Variants in ATG4D observed in about 807,000 individuals in gnomAD.
ATG4D encodes the protein autophagy related 4D cysteine peptidase.
In ATG4D, 51 loss-of-function variants were observed where a neutral mutation model predicts 55.2. The observed-to-expected ratio is 0.92, with a 90% CI of 0.74 to 1.17. The LOEUF (loss-of-function observed/expected upper bound fraction) is 1.17, where lower values mean the gene tolerates loss of function less well. Among genes scored for constraint, ATG4D ranks in the 50% most tolerant of loss-of-function variants. The pLI, the probability that ATG4D is intolerant of heterozygous loss-of-function variation, is 0.00. For missense variants in ATG4D, 635 were observed against 649.6 expected (o/e 0.98, Z 0.25); for synonymous variants, 268 against 266.2 (o/e 1.01, Z -0.07).
In ATG4D at chr19:10,544,655, G is replaced by T. The variant is rs555783063; in HGVS notation, c.236-128G>T. On this transcript the variant is annotated intron_variant, in intron 1 of 9. Coordinates refer to ENST00000309469, the MANE Select transcript of ATG4D (RefSeq NM_032885.6). ...TGTCACTGGGGGCCCCACCTCCGAC[G>T]GAATCCCCGGAGCCACCCCGGAGAT... 2.7e-6 allele frequency: 4 copies of T among 1,495,730 alleles called. No individual in the cohort carries two copies. In the East Asian group the frequency reaches 9.4e-5, roughly 35 times the overall value. The allele number at this position is 1,495,730 out of a possible 1,614,324, so 92.7% of individuals were successfully genotyped here.
intron 3 of ATG4D, 143 bp downstream of exon 3, chr19:10,545,273 A>G: frequency 1.7e-6 from 2 of 1,184,174 alleles, no homozygotes; most frequent in Non-Finnish European, 2.3e-6. Flanking sequence ...AGAGTTGTTT[A>G]TAAGAGTTTC....
In ATG4D at chr19:10,546,857, G is replaced by A. The variant is rs746348145; in HGVS notation, c.512G>A (p.Gly171Asp). Reference sequence around the variant, plus strand: ...CCACCAGACTGGACATGGGCCGAGGGCATGGGCCTGGGCCCCCCTGAGCTG... The same window carrying A: ...CCACCAGACTGGACATGGGCCGAGGACATGGGCCTGGGCCCCCCTGAGCTG... ...FLPRDWTWAE[G>D]MGLGPPELSG... The change falls in exon 4 of 10, where the codon GGC (glycine) becomes GAC (aspartate). Residue 171 changes from glycine (G) to aspartate (D), a missense_variant. Transcript: ENST00000309469. 1.9e-6 allele frequency: 3 copies of A among 1,595,996 alleles called. No individual in the cohort carries two copies. In the South Asian group the frequency reaches 3.3e-5, roughly 18 times the overall value.
chr19:10,545,220 A>G, intron 3 of ATG4D, 90 bp downstream of exon 3: 1 of 1,486,030 alleles, frequency 6.7e-7, no homozygotes, highest in Non-Finnish European at 9.1e-7. Flanking sequence ...TAAGAGTTCA[A>G]AGTCACGTTA....
Position 10,553,206 on chromosome 19 carries a change from G to A in ATG4D, c.*139G>A, listed in dbSNP as rs933173964. The A allele has an allele frequency of 2.7e-6, 3 of 1,102,224 alleles. No individual in the cohort carries two copies. Among genetic ancestry groups the A allele is most frequent in the African/African-American group, 3.2e-5 (2 of 63,146 alleles). The allele number at this position is 1,102,224 out of a possible 1,614,324, so 68.3% of individuals were successfully genotyped here. On this transcript the variant is annotated 3_prime_UTR_variant, in exon 10 of 10. Coordinates refer to ENST00000309469, the MANE Select transcript of ATG4D (RefSeq NM_032885.6). ...CAAGCCCAGCTGCAACCAGTCTGGG[G>A]CCATTCAGCCAGGGACAGAGCCCAC... is the stretch of plus-strand genomic sequence containing the variant.
chr19:10,550,551 G>C (rs943903622), intron 6 of ATG4D, among the ~76,000 whole-genome samples: 6 of 152,016 alleles, frequency 3.9e-5, no homozygotes, highest in African/African-American at 1.2e-4. Flanking sequence ...CCACCTTCTT[G>C]ATGTCGGGAT....
At chr19:10,552,016 AC>A (rs1916267216) in intron 7 of ATG4D, 28 bp from the exon 8 acceptor site, 5 of 935,236 alleles carry the variant, frequency 5.3e-6, no homozygotes, top group Non-Finnish European at 7.0e-6. Flanking sequence ...CCCCCACCGC[AC>A]CCCCACTCAC....
chr19:10,548,702 A>G (rs1916126709), intron 5 of ATG4D, among the ~76,000 whole-genome samples: 1 of 151,958 alleles, frequency 6.6e-6, no homozygotes, highest in African/African-American at 2.4e-5. Flanking sequence ...CACTCTGTAA[A>G]ATGGGGATGT....
chr19:10,546,918 T>G lies in ATG4D; in HGVS notation c.573T>G (p.Pro191=). ...GSASPSRYHG[P]ARWMPPRWAQ... ...CCTCTCCCAGCCGGTACCATGGGCC[T>G]GCCCGCTGGATGCCCCCACGCTGGG... is the stretch of plus-strand genomic sequence containing the variant. Residue 191 remains proline (P), a synonymous_variant, in exon 4 of 10, where the codon CCT becomes CCG. Coordinates refer to ENST00000309469, the MANE Select transcript of ATG4D (RefSeq NM_032885.6). 6.2e-7 allele frequency: 1 copy of G among 1,612,272 alleles called. No individual in the cohort carries two copies. The highest frequency in any genetic ancestry group is 2.2e-5 in the East Asian group (1 of 44,862).
Position 10,552,186 on chromosome 19 carries a change from C to G in ATG4D, c.1123-19C>G, listed in dbSNP as rs1444744258. Reference sequence around the variant, plus strand: ...GTGGGCAGCCCAGCCTCTGAGCCTTCCTCGTCTGTCTGCCCCAGTCCTTCC... The same window carrying G: ...GTGGGCAGCCCAGCCTCTGAGCCTTGCTCGTCTGTCTGCCCCAGTCCTTCC... On this transcript the variant is annotated intron_variant, in intron 8 of 9. Coordinates refer to ENST00000309469, the MANE Select transcript of ATG4D (RefSeq NM_032885.6). 1 of 1,611,256 alleles carries G rather than the reference C, an allele frequency of 6.2e-7. No individual in the cohort carries two copies. Among genetic ancestry groups the G allele is most frequent in the Non-Finnish European group, 8.5e-7 (1 of 1,179,986 alleles).
At position 10,545,032 on chromosome 19, in the gene ATG4D, C is replaced by G; in HGVS notation, c.395C>G (p.Pro132Arg). 6.2e-7 allele frequency: 1 copy of G among 1,612,868 alleles called. No individual in the cohort carries two copies. The highest frequency in any genetic ancestry group is 1.1e-5 in the South Asian group (1 of 91,010). The change falls in exon 3 of 10, where the codon CCT becomes CGT. Residue 132 changes from proline to arginine, a missense_variant. Coordinates refer to ENST00000309469, the MANE Select transcript of ATG4D (RefSeq NM_032885.6). ...LTYRRDFPPLPGGCLTSDCGW... is the reference protein window; with the variant it reads ...LTYRRDFPPLRGGCLTSDCGW... ...TACCGCCGGGACTTCCCGCCCCTTC[C>G]TGGGGGCTGCCTGACCTCGGACTGT...
In ATG4D at chr19:10,545,034, G is replaced by T. The variant is rs1180191422; in HGVS notation, c.397G>T (p.Gly133Trp). 3.7e-6 allele frequency: 6 copies of T among 1,612,840 alleles called. No homozygotes were observed. Among genetic ancestry groups the T allele is most frequent in the Non-Finnish European group, 5.1e-6 (6 of 1,179,574 alleles). The change falls in exon 3 of 10, where the codon GGG (glycine) becomes TGG (tryptophan). Residue 133 changes from glycine to tryptophan, a missense_variant. Transcript: ENST00000309469. ...CCGCCGGGACTTCCCGCCCCTTCCT[G>T]GGGGCTGCCTGACCTCGGACTGTGG... ...TYRRDFPPLP[G>W]GCLTSDCGWG...
chr19:10,551,449 C>T (rs757386116), intron 6 of ATG4D, among the ~76,000 whole-genome samples: 10 of 151,130 alleles, frequency 6.6e-5, no homozygotes, highest in Non-Finnish European at 1.2e-4. Context: ...AATCCCAGCA[C>T]TTTAGGAGGC....
At position 10,544,308 on chromosome 19, in the gene ATG4D, G is replaced by A; in HGVS notation, c.218G>A (p.Trp73Ter). 1 of 1,310,974 alleles carries A rather than the reference G, an allele frequency of 7.6e-7. No individual in the cohort carries two copies. The highest frequency in any genetic ancestry group is 2.9e-5 in the South Asian group (1 of 34,060). 81.2% of individuals were successfully genotyped at this position (1,310,974 alleles called of 1,614,324 possible). A position where few individuals can be genotyped will look rare whatever the true frequency, so the allele number is the denominator to read the frequency against. ...TTCAAGGCCAAGTTCCTGACAGCCTGGAACAACGTCAAGTACGGTGAGGAG... is the reference window on the plus strand; with the variant it reads ...TTCAAGGCCAAGTTCCTGACAGCCTAGAACAACGTCAAGTACGGTGAGGAG... The part of the protein sequence containing the change: ...DKFKAKFLTA[W>*]NNVKYGWVVK... Residue 73 changes from tryptophan to a stop codon, truncating the protein, a stop_gained, in exon 1 of 10, where the codon TGG (tryptophan) becomes TAG (stop). Coordinates refer to ENST00000309469, the MANE Select transcript of ATG4D (RefSeq NM_032885.6). LOFTEE classifies it high-confidence loss of function.
At position 10,544,243 on chromosome 19, in the gene ATG4D, TC is replaced by T. The variant is rs1397147903; in HGVS notation, c.156del (p.Ala54LeufsTer17). The T allele has an allele frequency of 2.4e-6, 3 of 1,260,594 alleles. No individual in the cohort carries two copies. The highest frequency in any genetic ancestry group is 3.0e-6 in the Non-Finnish European group (3 of 994,656). The allele number at this position is 1,260,594 out of a possible 1,614,324, so 78.1% of individuals were successfully genotyped here. On this transcript the variant is annotated frameshift_variant, in exon 1 of 10. Transcript: ENST00000309469. LOFTEE classifies it high-confidence loss of function. ...SGASGPALGS[P>X]GAGPSEPDEV... ...GAGCCAGCGGCCCCGCTCTTGGCTC[TC>T]CCGGGGCTGGCCCGAGTGAGCCGGA...
At chr19:10,552,382 G>C in intron 9 of ATG4D, 58 bp downstream of exon 9, 2 of 1,557,204 alleles carry the variant, frequency 1.3e-6, no homozygotes, top group Non-Finnish European at 1.7e-6. Flanking sequence ...GGCTGGGGGT[G>C]AAAGAGGAAC....
At chr19:10,552,698 C>CA (rs1916315779) in intron 9 of ATG4D, among the ~76,000 whole-genome samples, 187 bp from the exon 10 acceptor site, 1 of 152,218 alleles carries the variant, frequency 6.6e-6, no homozygotes, top group Non-Finnish European at 1.5e-5. Context: ...CCAGGACTGT[C>CA]AGTCTTTGGC....
chr19:10,545,709 C>T (rs541470507), intron 3 of ATG4D, among the ~76,000 whole-genome samples: 1 of 152,016 alleles, frequency 6.6e-6, no homozygotes, highest in East Asian at 1.9e-4. Flanking sequence ...AACCCCATCT[C>T]TACTAAAAAT....
At chr19:10,550,945 C>T (rs533775356) in intron 6 of ATG4D, 6 of 152,014 alleles carry the variant, frequency 3.9e-5, no homozygotes, top group Admixed American at 2.6e-4. Flanking sequence ...CTCCTGACCT[C>T]GTGATCCTCC....
chr19:10,544,365 C>A, intron 1 of ATG4D, 40 bp downstream of exon 1: 1 of 1,289,872 alleles, frequency 7.8e-7, no homozygotes, highest in Non-Finnish European at 9.9e-7. Flanking sequence ...TGTCGGGGGC[C>A]GTTGAGGAAA....
Sources: gnomAD v4.1 joint callset for allele counts (sites outside exome capture counted in the v4.1 genomes callset) on GRCh38, gnomAD v4.1.1 for gene constraint, MANE v1.5 for transcripts, NCBI Gene and HGNC (gene_info 2026-07-23, HGNC 2026-07-21) for gene names.